Variants in CPXM2 observed in about 807,000 individuals in gnomAD.
CPXM2 encodes inactive carboxypeptidase-like protein X2.
CPXM2 carries 66 observed loss-of-function variants against 86.1 expected under a neutral mutation model. That is an observed-to-expected ratio of 0.77 (90% CI 0.63 to 0.94). CPXM2 has a LOEUF of 0.94. Among genes scored for constraint, CPXM2 ranks in the 40% least tolerant of loss-of-function variants. The pLI, the probability that CPXM2 is intolerant of heterozygous loss-of-function variation, is 0.00. For missense variants in CPXM2, 948 were observed against 1,026.3 expected, an observed-to-expected ratio of 0.92 and a Z score of 1.04; for synonymous variants, 388 against 400.2, an observed-to-expected ratio of 0.97 and a Z score of 0.36.
intron 2 of CPXM2, among the ~76,000 whole-genome samples, chr10:123,867,927 C>T (rs1944822334): frequency 6.6e-6 from 1 of 152,120 alleles, no homozygotes; most frequent in Non-Finnish European, 1.5e-5. Context: ...GGGAACAATA[C>T]TACAGTGGGG....
chr10:123,830,421 G>A (rs1021047335), intron 4 of CPXM2, among the ~76,000 whole-genome samples: 35 of 152,216 alleles, frequency 2.3e-4, no homozygotes, highest in African/African-American at 8.2e-4. Flanking sequence ...ACCACCAGAT[G>A]TGGCAAGTGG....
At chr10:123,858,235 T>A (rs959063948) in intron 3 of CPXM2, among the ~76,000 whole-genome samples, 1 of 152,210 alleles carries the variant, frequency 6.6e-6, no homozygotes, top group African/African-American at 2.4e-5. Flanking sequence ...CTTCTCCTGC[T>A]TAAGCTCCCT....
intron 11 of CPXM2, among the ~76,000 whole-genome samples, chr10:123,758,257 T>C (rs1263031221): frequency 6.6e-6 from 1 of 152,164 alleles, no homozygotes; most frequent in East Asian, 1.9e-4. Context: ...TCTCTCAAAG[T>C]CTCAGAGGCC....
At chr10:123,800,298 C>T (rs1847430529) in intron 4 of CPXM2, among the ~76,000 whole-genome samples, 1 of 152,106 alleles carries the variant, frequency 6.6e-6, no homozygotes, top group South Asian at 2.1e-4. Flanking sequence ...TTCTCTTCTT[C>T]TCCTCTCTCC....
At chr10:123,941,997 T>C (rs1945782089), upstream of CPXM2, among the ~76,000 whole-genome samples, 1 of 152,362 alleles carries the variant, frequency 6.6e-6, no homozygotes, top group Admixed American at 6.5e-5. Context: ...CTGGGTGTCC[T>C]ATCTATGCAC....
chr10:123,851,843 T>C (rs184080364), intron 3 of CPXM2, among the ~76,000 whole-genome samples: 2 of 150,988 alleles, frequency 1.3e-5, no homozygotes, highest in Admixed American at 6.6e-5. Context: ...AGGATGGGCA[T>C]ATCCAGCATG....
At chr10:123,758,096 A>G (rs1431979473) in intron 11 of CPXM2, among the ~76,000 whole-genome samples, 1 of 152,158 alleles carries the variant, frequency 6.6e-6, no homozygotes, top group African/African-American at 2.4e-5. Flanking sequence ...AGTATGCCTG[A>G]AAGCAGACAA....
chr10:123,847,675 C>T (rs1848524221), intron 3 of CPXM2, among the ~76,000 whole-genome samples: 1 of 152,042 alleles, frequency 6.6e-6, no homozygotes, highest in African/African-American at 2.4e-5. Flanking sequence ...TTGATTAAAA[C>T]AAGTTTTAAA....
intron 7 of CPXM2, chr10:123,777,458 G>A (rs1291788171): frequency 1.3e-5 from 2 of 152,534 alleles, no homozygotes; most frequent in Admixed American, 6.6e-5. Flanking sequence ...CCTGCCTCAG[G>A]AATGCCTCTC....
At chr10:123,790,751 T>C (rs930060645) in intron 6 of CPXM2, among the ~76,000 whole-genome samples, 1 of 152,120 alleles carries the variant, frequency 6.6e-6, no homozygotes, top group African/African-American at 2.4e-5. Context: ...TGTGTCTATC[T>C]TATCTCAGAT....
chr10:123,784,487 T>C (rs1238824703), intron 6 of CPXM2, among the ~76,000 whole-genome samples: 1 of 152,196 alleles, frequency 6.6e-6, no homozygotes, highest in Non-Finnish European at 1.5e-5. Context: ...CCTGTGGTTT[T>C]CTTTTGACTC....
intron 6 of CPXM2, among the ~76,000 whole-genome samples, chr10:123,786,752 GGCACAGCTTATCTTCCCAA>G (rs1847065565): frequency 6.6e-6 from 1 of 152,060 alleles, no homozygotes; most frequent in Non-Finnish European, 1.5e-5. Flanking sequence ...GATCCTTCCA[GGCACAGCTTATCTTCCCAA>G]GCACCAAAAA....
At chr10:123,941,902 T>A (rs1044730469), upstream of CPXM2, among the ~76,000 whole-genome samples, 1 of 152,248 alleles carries the variant, frequency 6.6e-6, no homozygotes, top group African/African-American at 2.4e-5. Flanking sequence ...GTAGGCACAA[T>A]GGCTTGCACA....
chr10:123,752,185 C>T (rs537509589), intron 13 of CPXM2: 14 of 985,342 alleles, frequency 1.4e-5, no homozygotes, highest in Middle Eastern at 1.0e-3. Flanking sequence ...CAACACTCTG[C>T]GTGGTCTCTG....
Position 123,767,068 on chromosome 10 carries a change from G to A in CPXM2, c.1384C>T (p.Leu462=). The stretch of plus-strand genomic sequence containing the variant: ...TGTCGATCCTCTGCCTCCCAGAGCA[G>A]CGTGTTTAAATCAGGAAAGTTGTTG... ...INNNFPDLNT[L]LWEAEDRQNV... The change falls in exon 10 of 14, where the codon CTG becomes TTG. Residue 462 remains leucine (L), a synonymous_variant. Transcript: ENST00000241305. The A allele has an allele frequency of 1.2e-6, 2 of 1,614,162 alleles. No homozygotes were observed.
chr10:123,757,590 T>G (rs1269412688), intron 11 of CPXM2, among the ~76,000 whole-genome samples: 1 of 152,218 alleles, frequency 6.6e-6, no homozygotes, highest in African/African-American at 2.4e-5. Context: ...CACATGGAAG[T>G]GTGTCTTTGA....
chr10:123,762,339 A>G (rs1846366839), intron 10 of CPXM2, among the ~76,000 whole-genome samples, 170 bp from the exon 11 acceptor site: 1 of 152,254 alleles, frequency 6.6e-6, no homozygotes, highest in African/African-American at 2.4e-5. Context: ...AGAAAGACTC[A>G]TAAACCAATC....
intron 1 of CPXM2, among the ~76,000 whole-genome samples, chr10:123,881,547 C>T (rs745853827): frequency 7.2e-5 from 11 of 152,146 alleles, no homozygotes; most frequent in Non-Finnish European, 1.6e-4. Context: ...CCCACAGGAG[C>T]TCTGGAGCAG....
chr10:123,767,606 ACTG>A (rs1351039829), intron 9 of CPXM2, among the ~76,000 whole-genome samples: 2 of 152,222 alleles, frequency 1.3e-5, no homozygotes, highest in Non-Finnish European at 2.9e-5. Flanking sequence ...ACATTTCTAT[ACTG>A]TAAAGCTTGC....
Sources: gnomAD v4.1 joint callset for allele counts (sites outside exome capture counted in the v4.1 genomes callset) on GRCh38, gnomAD v4.1.1 for gene constraint, MANE v1.5 for transcripts, NCBI Gene and HGNC (gene_info 2026-07-23, HGNC 2026-07-21) for gene names.